The following FAM135A variants were observed in gnomAD, a reference collection of about 807,000 sequenced individuals.
FAM135A encodes the protein family with sequence similarity 135 member A.
FAM135A carries 79 observed loss-of-function variants against 146.8 expected under a neutral mutation model. The observed-to-expected ratio is 0.54, with a 90% CI of 0.45 to 0.65. The LOEUF (loss-of-function observed/expected upper bound fraction) is 0.65, where lower values mean the gene tolerates loss of function less well. Ranked by LOEUF, FAM135A falls within the 30% of genes least tolerant of loss-of-function variation. The pLI is 0.00. For missense variants in FAM135A, 1,623 were observed against 1,758.2 expected (o/e 0.92, Z 1.38); for synonymous variants, 562 against 603.6 (o/e 0.93, Z 1.01).
At chr6:70,431,698 A>C (rs1481474908) in intron 4 of FAM135A, among the ~76,000 whole-genome samples, 1 of 152,234 alleles carries the variant, frequency 6.6e-6, no homozygotes, top group East Asian at 1.9e-4. Flanking sequence ...TACAGGTTAC[A>C]TTTTGTAGGT....
chr6:70,523,319 C>CA (rs555874058), intron 13 of FAM135A, among the ~76,000 whole-genome samples: 256 of 151,758 alleles, frequency 1.7e-3, no homozygotes, highest in African/African-American at 5.7e-3. Flanking sequence ...AATTATACCA[C>CA]AAAAAAAATC....
At chr6:70,493,479 T>C (rs1307791332) in intron 11 of FAM135A, among the ~76,000 whole-genome samples, 2 of 152,214 alleles carry the variant, frequency 1.3e-5, no homozygotes, top group Admixed American at 6.5e-5. Context: ...AGTATGTAAA[T>C]GGTTGTCATA....
intron 20 of FAM135A, among the ~76,000 whole-genome samples, chr6:70,542,248 G>GCGCACACACACACACA (rs1798053393): frequency 7.0e-6 from 1 of 141,852 alleles, no homozygotes; most frequent in African/African-American, 2.9e-5. Flanking sequence ...TTTTTATCCT[G>GCGCACACACACACACA]CACACACACA....
chr6:70,465,786 C>T (rs1177777925), intron 5 of FAM135A, among the ~76,000 whole-genome samples: 1 of 152,168 alleles, frequency 6.6e-6, no homozygotes, highest in East Asian at 1.9e-4. Flanking sequence ...TTCAGTTTCT[C>T]CACATCCATA....
At chr6:70,517,842 ATGT>A (rs558957143) in intron 12 of FAM135A, among the ~76,000 whole-genome samples, 1 of 152,158 alleles carries the variant, frequency 6.6e-6, no homozygotes, top group Non-Finnish European at 1.5e-5. Context: ...AACTTAATAC[ATGT>A]TGTGTTTGTT....
intron 4 of FAM135A, among the ~76,000 whole-genome samples, chr6:70,446,369 C>G (rs189803575): frequency 2.6e-5 from 4 of 152,102 alleles, no homozygotes; most frequent in African/African-American, 9.7e-5. Context: ...ACCATCTGAC[C>G]GTTTTGTTCA....
chr6:70,427,755 C>T (rs2127767356), intron 3 of FAM135A, among the ~76,000 whole-genome samples: 1 of 152,196 alleles, frequency 6.6e-6, no homozygotes, highest in African/African-American at 2.4e-5. Flanking sequence ...TTCTTTTCTT[C>T]AACTTCTTTG....
intron 2 of FAM135A, among the ~76,000 whole-genome samples, chr6:70,420,668 T>C (rs969773337): frequency 6.6e-6 from 1 of 152,220 alleles, no homozygotes; most frequent in Admixed American, 6.5e-5. Context: ...ATGTGAGATG[T>C]ATAATTTAAA....
chr6:70,423,174 G>C (rs1033184677), intron 2 of FAM135A, among the ~76,000 whole-genome samples: 5 of 152,152 alleles, frequency 3.3e-5, no homozygotes, highest in African/African-American at 1.2e-4. Context: ...TCAAAGAGTA[G>C]AAAGGAAATA....
chr6:70,519,611 C>G (rs893001930), intron 12 of FAM135A, among the ~76,000 whole-genome samples: 3 of 152,200 alleles, frequency 2.0e-5, no homozygotes, highest in South Asian at 4.1e-4. Flanking sequence ...CTATCAATAT[C>G]AAGGCAAGAC....
At chr6:70,447,397 A>C (rs1775997897) in intron 4 of FAM135A, among the ~76,000 whole-genome samples, 1 of 152,204 alleles carries the variant, frequency 6.6e-6, no homozygotes, top group Non-Finnish European at 1.5e-5. Context: ...TTGTAATCTG[A>C]ATCAATGACT....
intron 2 of FAM135A, among the ~76,000 whole-genome samples, chr6:70,419,763 A>G (rs1768384142): frequency 6.6e-6 from 1 of 152,170 alleles, no homozygotes; most frequent in African/African-American, 2.4e-5. Flanking sequence ...GTCTCTCATA[A>G]TGTGAGCCTC....
At chr6:70,513,388 C>CTTT (rs372697474) in intron 12 of FAM135A, 1 of 121,480 alleles carries the variant, frequency 8.2e-6, no homozygotes, top group African/African-American at 2.9e-5. Flanking sequence ...ATGTCAATTT[C>CTTT]TTTTTTTTTT....
At chr6:70,427,418 G>A (rs529393329) in intron 3 of FAM135A, among the ~76,000 whole-genome samples, 3 of 152,016 alleles carry the variant, frequency 2.0e-5, no homozygotes, top group Non-Finnish European at 4.4e-5. Context: ...TATAGTCCCA[G>A]CTACTCAGAA....
chr6:70,524,250 G>T (rs1288139004), intron 14 of FAM135A, 93 bp from the exon 15 acceptor site: 6 of 1,385,060 alleles, frequency 4.3e-6, no homozygotes, highest in South Asian at 1.6e-5. Context: ...TATGTTTGAG[G>T]ATATTAGAAG....
chr6:70,453,126 G>A (rs1777504183), intron 5 of FAM135A, among the ~76,000 whole-genome samples: 1 of 152,036 alleles, frequency 6.6e-6, no homozygotes. Context: ...ATAATTAGTG[G>A]TCATTTTTCA....
intron 12 of FAM135A, among the ~76,000 whole-genome samples, chr6:70,513,561 C>T (rs1311378292): frequency 6.6e-6 from 1 of 151,738 alleles, no homozygotes; most frequent in African/African-American, 2.4e-5. Flanking sequence ...TCTCTAAAAC[C>T]TGCTTTTGTA....
chr6:70,423,721 G>A (rs1013405955), intron 2 of FAM135A, among the ~76,000 whole-genome samples: 5 of 152,192 alleles, frequency 3.3e-5, no homozygotes, highest in African/African-American at 1.2e-4. Flanking sequence ...TAAAAGGAAG[G>A]GAAAACAGAT....
Position 70,446,374 on chromosome 6 carries a change from T to A in FAM135A, c.78-6118T>A, listed in dbSNP as rs1317803645. 3.9e-5 allele frequency among the ~76,000 whole-genome samples: 6 copies of A among 152,318 alleles called. No homozygotes were observed. The East Asian group carries it at 7.7e-4, about 20-fold the overall frequency. ...TATCATTTCTACCATCTGACCGTTT[T>A]GTTCAGACCATCTGAACATAGTGTG... On this transcript the variant is annotated intron_variant, in intron 4 of 21. Transcript: ENST00000418814.
Sources: allele counts gnomAD v4.1 joint callset (sites outside exome capture counted in the v4.1 genomes callset), GRCh38; gene constraint gnomAD v4.1.1; transcripts MANE v1.5; gene names NCBI Gene and HGNC (gene_info 2026-07-23, HGNC 2026-07-21).